NECAB2: variants seen among roughly 807,000 people sequenced by gnomAD.
NECAB2 encodes N-terminal EF-hand calcium-binding protein 2.
Under a neutral mutation model 51.9 loss-of-function variants are expected in NECAB2, and 68 were observed. The ratio of observed to expected loss-of-function variants is 1.31; its 90% CI spans 1.08 to 1.60. The LOEUF (loss-of-function observed/expected upper bound fraction) is 1.60, where lower values mean the gene tolerates loss of function less well. Ranked by LOEUF, NECAB2 falls within the 40% of genes most tolerant of loss-of-function variation. NECAB2 has a pLI of 0.00. For missense variants in NECAB2, 854 were observed against 490.3 expected (o/e 1.74, Z -7.00); for synonymous variants, 329 against 203.5 (o/e 1.62, Z -5.25).
rs930191574 is a variant in NECAB2, at chr16:83,968,443, G to A, written c.-206G>A. On this transcript the variant is annotated 5_prime_UTR_variant, in exon 1 of 13. Coordinates refer to ENST00000305202, the MANE Select transcript of NECAB2 (RefSeq NM_019065.3). Reference sequence around the variant, plus strand: ...GGCCCCGCGCCCGGCCGGCGGGGGTGGGGGCGGCGGGGAGCGGGCACGTGG... The same window carrying A: ...GGCCCCGCGCCCGGCCGGCGGGGGTAGGGGCGGCGGGGAGCGGGCACGTGG... Among the ~76,000 whole-genome samples the A allele has an allele frequency of 1.4e-5, 2 of 146,840 alleles. No individual in the cohort carries two copies. Among genetic ancestry groups the A allele is most frequent in the Non-Finnish European group, 3.0e-5 (2 of 66,138 alleles).
chr16:83,972,407 A>G (rs1407772998), intron 2 of NECAB2, among the ~76,000 whole-genome samples: 1 of 152,232 alleles, frequency 6.6e-6, no homozygotes, highest in Non-Finnish European at 1.5e-5. Context: ...TCAAGGGCTC[A>G]GTGAGTCTTG....
rs750299750 is a variant in NECAB2, at chr16:83,994,339, A to T, written c.634A>T (p.Thr212Ser). Residue 212 changes from threonine to serine, a missense_variant, in exon 7 of 13, where the codon ACC becomes TCC. Physicochemically the swap from Thr to Ser is moderately conservative, Grantham distance 58 (BLOSUM62 1). Coordinates refer to ENST00000305202, the MANE Select transcript of NECAB2 (RefSeq NM_019065.3). The part of the protein sequence containing the change: ...HIKPSHSAAQ[T>S]WCGSPTPASA... Reference sequence around the variant, plus strand: ...CAAACCCAGCCACAGCGCGGCACAGACCTGGTGTGGAAGCCCCACTCCCGC... The same window carrying T: ...CAAACCCAGCCACAGCGCGGCACAGTCCTGGTGTGGAAGCCCCACTCCCGC... 1 of 1,614,146 alleles carries T rather than the reference A, an allele frequency of 6.2e-7. No individual in the cohort carries two copies. The highest frequency in any genetic ancestry group is 8.5e-7 in the Non-Finnish European group (1 of 1,180,024).
chr16:83,978,342 G>T, intron 2 of NECAB2, 102 bp from the exon 3 acceptor site: 5 of 840,340 alleles, frequency 5.9e-6, no homozygotes, highest in Non-Finnish European at 1.9e-6. Context: ...CAGTTGTTCT[G>T]TCAGTCAGGC....
At chr16:83,988,138 A>T (rs1223973770) in intron 5 of NECAB2, among the ~76,000 whole-genome samples, 1 of 152,146 alleles carries the variant, frequency 6.6e-6, no homozygotes, top group Admixed American at 6.6e-5. Flanking sequence ...CTTCTGATGG[A>T]CCTTGTTTAA....
chr16:83,979,090 C>A (rs983528917), intron 3 of NECAB2, among the ~76,000 whole-genome samples: 1 of 152,192 alleles, frequency 6.6e-6, no homozygotes, highest in Non-Finnish European at 1.5e-5. Flanking sequence ...CTGTCTCCAC[C>A]CATCTCTAAA....
chr16:83,969,527 C>G (rs896519471), intron 1 of NECAB2, among the ~76,000 whole-genome samples: 1 of 151,980 alleles, frequency 6.6e-6, no homozygotes, highest in Non-Finnish European at 1.5e-5. Flanking sequence ...ACCCCTCTAC[C>G]CTACAGAGAG....
chr16:83,976,226 A>G (rs1425047744), intron 2 of NECAB2, among the ~76,000 whole-genome samples: 1 of 152,184 alleles, frequency 6.6e-6, no homozygotes, highest in Non-Finnish European at 1.5e-5. Flanking sequence ...CCTGCTGGGT[A>G]GGTGGCGATG....
At position 83,994,292 on chromosome 16, in the gene NECAB2, C is replaced by A. The variant is rs376782076; in HGVS notation, c.597-10C>A. 6.2e-7 allele frequency: 1 copy of A among 1,613,866 alleles called. No homozygotes were observed. Among genetic ancestry groups the A allele is most frequent in the South Asian group, 1.1e-5 (1 of 91,082 alleles). On this transcript the variant is annotated splice_polypyrimidine_tract_variant and intron_variant, in intron 6 of 12. Coordinates refer to ENST00000305202, the MANE Select transcript of NECAB2 (RefSeq NM_019065.3). ...GCCATGGTCTGTGTGTGTTCCCATC[C>A]AAACTGCAGACAGAACCACATCAAA...
chr16:83,984,156 T>A (rs754724685), intron 5 of NECAB2, among the ~76,000 whole-genome samples: 24 of 151,810 alleles, frequency 1.6e-4, no homozygotes, highest in Admixed American at 2.6e-4. Context: ...CTACTACGCC[T>A]GGCTAATTTT....
At chr16:83,994,512 G>C in intron 7 of NECAB2, 92 bp downstream of exon 7, 1 of 1,596,970 alleles carries the variant, frequency 6.3e-7, no homozygotes, top group Non-Finnish European at 8.6e-7. Context: ...AGATGAGCAA[G>C]TTTGATGCCC....
Position 84,000,930 on chromosome 16 carries a change from C to T in NECAB2, c.1040+129C>T, listed in dbSNP as rs143139358. On this transcript the variant is annotated intron_variant, in intron 11 of 12. Transcript: ENST00000305202. ...AGTCAGCAGATTCCCGAGGCATCTA[C>T]CCGCTGGCATGCTTGCGTCAGTAAA... 9 of 874,622 alleles carry T rather than the reference C, an allele frequency of 1.0e-5. No individual in the cohort carries two copies. The African/African-American group carries it at 1.3e-4, about 13-fold the overall frequency. 54.2% of individuals were successfully genotyped at this position (874,622 alleles called of 1,614,324 possible). A position where few individuals can be genotyped will look rare whatever the true frequency, so the allele number is the denominator to read the frequency against.
At chr16:83,997,478 CCT>C (rs1491172152) in intron 9 of NECAB2, among the ~76,000 whole-genome samples, 1 of 105,056 alleles carries the variant, frequency 9.5e-6, no homozygotes, top group Non-Finnish European at 2.0e-5. Flanking sequence ...GCTCCCTGGA[CCT>C]TTTTTTTTTT....
chr16:83,986,396 C>T (rs1597210859), intron 5 of NECAB2, among the ~76,000 whole-genome samples: 1 of 152,198 alleles, frequency 6.6e-6, no homozygotes, highest in African/African-American at 2.4e-5. Context: ...AACTTGTGCA[C>T]TAATACATAG....
Position 83,990,537 on chromosome 16 carries a change from T to C in NECAB2, c.503T>C (p.Phe168Ser), listed in dbSNP as rs1289139387. The C allele has an allele frequency of 1.2e-6, 2 of 1,614,096 alleles. No individual in the cohort carries two copies. Among genetic ancestry groups the C allele is most frequent in the Non-Finnish European group, 1.7e-6 (2 of 1,180,028 alleles). The change falls in exon 6 of 13, where the codon TTC (phenylalanine) becomes TCC (serine). Residue 168 changes from phenylalanine (F) to serine (S), a missense_variant. By Grantham distance (155) the Phe-to-Ser change is radical. Coordinates refer to ENST00000305202, the MANE Select transcript of NECAB2 (RefSeq NM_019065.3). ...AACGTGGACCAGTTTGTGACCCGCT[T>C]CCTCCTGAAGGAGACGGCCAATCAG... ...GSNVDQFVTR[F>S]LLKETANQIQ...
upstream of NECAB2, among the ~76,000 whole-genome samples, chr16:83,968,197 G>A (rs950493065): frequency 6.6e-6 from 1 of 151,506 alleles, no homozygotes; most frequent in Non-Finnish European, 1.5e-5. Flanking sequence ...CCCGGGGCTG[G>A]AGCCGGCAGA....
chr16:83,998,809 T>TCCTCCCCC (rs57076987), intron 10 of NECAB2, among the ~76,000 whole-genome samples: 1 of 151,982 alleles, frequency 6.6e-6, no homozygotes, highest in African/African-American at 2.4e-5. Flanking sequence ...CTTCTCCCCC[T>TCCTCCCCC]GATGTGCTGA....
At chr16:83,993,811 C>T (rs2084657355) in intron 6 of NECAB2, among the ~76,000 whole-genome samples, 1 of 152,122 alleles carries the variant, frequency 6.6e-6, no homozygotes, top group South Asian at 2.1e-4. Flanking sequence ...CTGTTACATC[C>T]CGACTGTCAG....
Position 83,968,670 on chromosome 16 carries a change from C to G in NECAB2, c.22C>G (p.Leu8Val). ...CGCGATGTGCGAGCGGGCGGCGCGC[C>G]TGTGCAGGGCCGGCGCGCACAGGCT... MCERAAR[L>V]CRAGAHRLLR... The change falls in exon 1 of 13, where the codon CTG becomes GTG. Residue 8 changes from leucine to valine, a missense_variant. Physicochemically the swap from Leu to Val is conservative, Grantham distance 32 (BLOSUM62 1). Coordinates refer to ENST00000305202, the MANE Select transcript of NECAB2 (RefSeq NM_019065.3). The G allele has an allele frequency of 1.0e-6, 1 of 984,718 alleles. No homozygotes were observed. The highest frequency in any genetic ancestry group is 1.2e-6 in the Non-Finnish European group (1 of 831,114). 61.0% of individuals were successfully genotyped at this position (984,718 alleles called of 1,614,324 possible).
chr16:83,965,824 C>T (rs1336611486), upstream of NECAB2: 5 of 1,613,054 alleles, frequency 3.1e-6, no homozygotes, highest in Non-Finnish European at 4.2e-6. Context: ...TGGATCCTGA[C>T]CAGCCGCTGA....
Sources: allele counts gnomAD v4.1 joint callset (sites outside exome capture counted in the v4.1 genomes callset), GRCh38; gene constraint gnomAD v4.1.1; transcripts MANE v1.5; gene names NCBI Gene and HGNC (gene_info 2026-07-23, HGNC 2026-07-21).